AFG1L: variants seen among roughly 807,000 people sequenced by gnomAD.
The protein encoded by AFG1L is AFG1 like ATPase, also known as AFG1-like ATPase.
Under a neutral mutation model 62.2 loss-of-function variants are expected in AFG1L, and 53 were observed. The ratio of observed to expected loss-of-function variants is 0.85; its 90% CI spans 0.68 to 1.07. The LOEUF (loss-of-function observed/expected upper bound fraction) is 1.07. Ranked by LOEUF, AFG1L falls within the 50% of genes least tolerant of loss-of-function variation. AFG1L has a pLI of 0.00. For synonymous variants in AFG1L, 228 were observed against 210.3 expected (o/e 1.08, Z -0.73); for missense variants, 555 against 590.5 (o/e 0.94, Z 0.62).
intron 6 of AFG1L, among the ~76,000 whole-genome samples, chr6:108,387,300 G>T (rs1241825056): frequency 6.6e-6 from 1 of 152,352 alleles, no homozygotes; most frequent in East Asian, 1.9e-4. Flanking sequence ...GGCGAAGGCT[G>T]TGGCCACACC....
At chr6:108,344,026 A>G (rs1778775838) in intron 2 of AFG1L, among the ~76,000 whole-genome samples, 1 of 152,218 alleles carries the variant, frequency 6.6e-6, no homozygotes. Context: ...CATGCCTACA[A>G]TCCCAGCGCT....
intron 10 of AFG1L, among the ~76,000 whole-genome samples, chr6:108,501,832 C>T (rs889617919): frequency 1.3e-5 from 2 of 152,012 alleles, no homozygotes; most frequent in African/African-American, 2.4e-5. Context: ...ACCGATGAGT[C>T]GCAGGAATTT....
chr6:108,302,608 A>T (rs886075512), intron 1 of AFG1L, among the ~76,000 whole-genome samples: 3 of 152,100 alleles, frequency 2.0e-5, no homozygotes, highest in African/African-American at 7.2e-5. Flanking sequence ...ACAGGTCAGG[A>T]ACCCTGGGCA....
chr6:108,473,650 C>T (rs973218939), intron 8 of AFG1L, among the ~76,000 whole-genome samples: 6 of 152,174 alleles, frequency 3.9e-5, no homozygotes, highest in Non-Finnish European at 5.9e-5. Context: ...CTGCGCCTCC[C>T]GGGTTCAAGC....
At chr6:108,396,481 CTTTTT>C (rs201935764) in intron 6 of AFG1L, among the ~76,000 whole-genome samples, 1 of 151,600 alleles carries the variant, frequency 6.6e-6, no homozygotes, top group Admixed American at 6.6e-5. Flanking sequence ...GGGTATATAT[CTTTTT>C]TTTGTTTTGT....
At chr6:108,328,698 A>G (rs1778155594) in intron 2 of AFG1L, among the ~76,000 whole-genome samples, 2 of 151,682 alleles carry the variant, frequency 1.3e-5, no homozygotes, top group South Asian at 2.1e-4. Context: ...TCCCTACTCT[A>G]TAGCATCCCC....
At chr6:108,408,949 C>G (rs1781983675) in intron 7 of AFG1L, among the ~76,000 whole-genome samples, 1 of 150,610 alleles carries the variant, frequency 6.6e-6, no homozygotes, top group African/African-American at 2.5e-5. Context: ...TCAGCTTTCT[C>G]TCACACATTT....
chr6:108,406,063 A>G (rs1303723746), intron 7 of AFG1L, among the ~76,000 whole-genome samples: 1 of 152,186 alleles, frequency 6.6e-6, no homozygotes, highest in Non-Finnish European at 1.5e-5. Flanking sequence ...TCTACCTTTC[A>G]GCTATTATGA....
intron 1 of AFG1L, among the ~76,000 whole-genome samples, chr6:108,316,083 T>C (rs1180056859): frequency 2.0e-5 from 3 of 151,914 alleles, no homozygotes; most frequent in African/African-American, 7.3e-5. Flanking sequence ...CTTATCTTGT[T>C]TAAAAATCGG....
intron 6 of AFG1L, among the ~76,000 whole-genome samples, chr6:108,392,335 A>C (rs1781094116): frequency 6.6e-6 from 1 of 152,182 alleles, no homozygotes; most frequent in Non-Finnish European, 1.5e-5. Flanking sequence ...AAATTATTAA[A>C]AATATTGTAT....
At chr6:108,339,649 G>A (rs1778607205) in intron 2 of AFG1L, among the ~76,000 whole-genome samples, 1 of 151,822 alleles carries the variant, frequency 6.6e-6, no homozygotes, top group African/African-American at 2.4e-5. Context: ...TAGTAGAAAC[G>A]GGGTTTCACC....
chr6:108,390,848 A>G (rs1283566), intron 6 of AFG1L, among the ~76,000 whole-genome samples: 100,324 of 151,992 alleles, frequency 0.66, 34,973 homozygotes, highest in African/African-American at 0.9. Flanking sequence ...TCCTTTCTCA[A>G]ATCTCAAACT....
chr6:108,306,476 T>C (rs1777201853), intron 1 of AFG1L, among the ~76,000 whole-genome samples: 1 of 152,210 alleles, frequency 6.6e-6, no homozygotes, highest in Non-Finnish European at 1.5e-5. Flanking sequence ...TTTTAACATA[T>C]CAAGACTGAT....
At chr6:108,356,595 C>G in intron 4 of AFG1L, 95 bp from the exon 5 acceptor site, 1 of 759,740 alleles carries the variant, frequency 1.3e-6, no homozygotes. Flanking sequence ...ATTTTATGTC[C>G]ATACTAAAGT....
At chr6:108,511,236 T>C (rs1255724946) in intron 11 of AFG1L, among the ~76,000 whole-genome samples, 1 of 151,958 alleles carries the variant, frequency 6.6e-6, no homozygotes, top group Admixed American at 6.6e-5. Flanking sequence ...AGTGAATGAC[T>C]AGAGGACCCT....
At chr6:108,332,461 TAA>T (rs1164679603) in intron 2 of AFG1L, among the ~76,000 whole-genome samples, 1 of 152,186 alleles carries the variant, frequency 6.6e-6, no homozygotes, top group Admixed American at 6.6e-5. Context: ...GTCTATTCAC[TAA>T]ATTAGCATGG....
chr6:108,390,395 G>A (rs1313086520), intron 6 of AFG1L, among the ~76,000 whole-genome samples: 1 of 152,184 alleles, frequency 6.6e-6, no homozygotes, highest in Non-Finnish European at 1.5e-5. Context: ...GTCCAGCTTT[G>A]TACCGTTGCT....
intron 2 of AFG1L, among the ~76,000 whole-genome samples, chr6:108,334,795 GCCT>G (rs1388535825): frequency 6.6e-6 from 1 of 152,026 alleles, no homozygotes; most frequent in Non-Finnish European, 1.5e-5. Context: ...CATCTTGCCA[GCCT>G]CCTCTGCCAT....
At chr6:108,508,030 G>A (rs1774490009) in intron 10 of AFG1L, among the ~76,000 whole-genome samples, 1 of 152,168 alleles carries the variant, frequency 6.6e-6, no homozygotes. Flanking sequence ...GAATACTAAT[G>A]TATGCCCCAG....
Sources: gnomAD v4.1 joint callset for allele counts (sites outside exome capture counted in the v4.1 genomes callset) on GRCh38, gnomAD v4.1.1 for gene constraint, MANE v1.5 for transcripts, NCBI Gene and HGNC (gene_info 2026-07-23, HGNC 2026-07-21) for gene names.